CNTN5: variants seen among roughly 807,000 people sequenced by gnomAD.
CNTN5 encodes the protein contactin-5.
Under a neutral mutation model 129.1 loss-of-function variants are expected in CNTN5, and 77 were observed. The ratio of observed to expected loss-of-function variants is 0.60; its 90% confidence interval spans 0.50 to 0.72. CNTN5 has a LOEUF of 0.72. Among genes scored for constraint, CNTN5 ranks in the 30% least tolerant of loss-of-function variants. CNTN5 has a pLI of 0.00. For synonymous variants in CNTN5, 509 were observed against 465.6 expected, an observed-to-expected ratio of 1.09 and a Z score of -1.20; for missense variants, 1,478 against 1,328.8, an observed-to-expected ratio of 1.11 and a Z score of -1.75.
Position 99,842,910 on chromosome 11 carries a change from G to T in CNTN5, c.278-1942G>T, listed in dbSNP as rs140580510. Among the ~76,000 whole-genome samples, 25 of 152,074 alleles carry T rather than the reference G, an allele frequency of 1.6e-4. No homozygotes were observed. In the South Asian group the frequency reaches 4.4e-3, roughly 27 times the overall value. ...AGTGAGACATATTCTGGTTATTTTG[G>T]TGTAGTATTTTGCTCGTAGCTCAAA... is the stretch of plus-strand genomic sequence containing the variant. On this transcript the variant is annotated intron_variant, in intron 4 of 24. Coordinates refer to ENST00000524871, the MANE Select transcript of CNTN5 (RefSeq NM_014361.4).
At chr11:99,564,834 T>G (rs899392073) in intron 3 of CNTN5, among the ~76,000 whole-genome samples, 1 of 152,192 alleles carries the variant, frequency 6.6e-6, no homozygotes, top group African/African-American at 2.4e-5. Context: ...GCAGCTTTCC[T>G]GATGGTTTTC....
intron 3 of CNTN5, among the ~76,000 whole-genome samples, chr11:99,792,917 G>C (rs943312981): frequency 6.6e-6 from 1 of 152,100 alleles, no homozygotes; most frequent in African/African-American, 2.4e-5. Flanking sequence ...GTGCATGCAG[G>C]TGTTCATAGT....
chr11:100,310,203 C>T (rs967707620), intron 21 of CNTN5, among the ~76,000 whole-genome samples: 2 of 151,900 alleles, frequency 1.3e-5, no homozygotes, highest in Non-Finnish European at 2.9e-5. Context: ...TGAATCGGAA[C>T]ATCTGGGGCA....
chr11:99,681,613 A>G (rs1953558228), intron 3 of CNTN5, among the ~76,000 whole-genome samples: 1 of 152,102 alleles, frequency 6.6e-6, no homozygotes, highest in Admixed American at 6.5e-5. Context: ...AAGTGTAAAC[A>G]TGAATTTTAT....
intron 6 of CNTN5, among the ~76,000 whole-genome samples, chr11:99,909,075 T>C (rs951725915): frequency 1.3e-5 from 2 of 152,118 alleles, no homozygotes; most frequent in African/African-American, 4.8e-5. Context: ...ATTCAATTCT[T>C]ATCTTCATAT....
chr11:100,297,181 A>T (rs1951114981), intron 18 of CNTN5, among the ~76,000 whole-genome samples: 1 of 151,492 alleles, frequency 6.6e-6, no homozygotes. Context: ...AACAACAACA[A>T]AAGAAATGTA....
chr11:99,246,139 G>T (rs1313654328), intron 1 of CNTN5, among the ~76,000 whole-genome samples: 2 of 152,146 alleles, frequency 1.3e-5, no homozygotes, highest in Admixed American at 6.6e-5. Flanking sequence ...TATGAAAAAT[G>T]AGATCTGAAA....
Position 99,036,710 on chromosome 11 carries a change from G to A in CNTN5, c.-210+15440G>A, listed in dbSNP as rs527756492. Among the ~76,000 whole-genome samples, 197 of 152,162 alleles carry A rather than the reference G, an allele frequency of 1.3e-3. 1 individual carries two copies. The highest frequency in any genetic ancestry group is 4.3e-3 in the East Asian group (22 of 5,176). ...ATTAGTGTATTACAGTGTCTGTCTC[G>A]TCCCACTGTAGCCAACACACTGTGC... On this transcript the variant is annotated intron_variant, in intron 1 of 24. Transcript: ENST00000524871.
intron 1 of CNTN5, among the ~76,000 whole-genome samples, chr11:99,304,970 C>T (rs938128781): frequency 6.6e-6 from 1 of 152,126 alleles, no homozygotes; most frequent in Admixed American, 6.5e-5. Flanking sequence ...TATCTGTTAG[C>T]CCACAGATCT....
At chr11:100,214,061 A>C (rs1284892451) in intron 15 of CNTN5, among the ~76,000 whole-genome samples, 1 of 152,210 alleles carries the variant, frequency 6.6e-6, no homozygotes, top group Non-Finnish European at 1.5e-5. Context: ...AAAAGATGAC[A>C]AATATGTATC....
chr11:99,511,123 A>T (rs1250625726), intron 2 of CNTN5, among the ~76,000 whole-genome samples: 1 of 152,166 alleles, frequency 6.6e-6, no homozygotes, highest in African/African-American at 2.4e-5. Flanking sequence ...ACATAAAGAA[A>T]AATATTTTTG....
At chr11:99,198,171 G>C (rs534007945) in intron 1 of CNTN5, among the ~76,000 whole-genome samples, 3 of 151,920 alleles carry the variant, frequency 2.0e-5, no homozygotes, top group African/African-American at 7.2e-5. Context: ...TTTCTTTTCT[G>C]TCTTCCCCTA....
At chr11:99,485,200 A>G (rs1396247500) in intron 2 of CNTN5, among the ~76,000 whole-genome samples, 1 of 150,860 alleles carries the variant, frequency 6.6e-6, no homozygotes, top group East Asian at 1.9e-4. Context: ...AGTCAATGAA[A>G]CATTTTTGAA....
intron 21 of CNTN5, among the ~76,000 whole-genome samples, chr11:100,330,010 G>T (rs1421980263): frequency 2.0e-5 from 3 of 151,996 alleles, no homozygotes; most frequent in Admixed American, 2.0e-4. Flanking sequence ...GAATTCAGAA[G>T]GTCAATTACT....
At chr11:100,027,878 G>A (rs1381646851) in intron 9 of CNTN5, among the ~76,000 whole-genome samples, 1 of 152,048 alleles carries the variant, frequency 6.6e-6, no homozygotes, top group Admixed American at 6.6e-5. Context: ...CTAATATTTT[G>A]CGACTATTCT....
intron 1 of CNTN5, among the ~76,000 whole-genome samples, chr11:99,036,627 A>T (rs1225153779): frequency 6.6e-6 from 1 of 152,138 alleles, no homozygotes. Flanking sequence ...AGGTACACTT[A>T]AAATTTTGCT....
At chr11:99,641,965 A>G (rs1431558879) in intron 3 of CNTN5, among the ~76,000 whole-genome samples, 1 of 152,138 alleles carries the variant, frequency 6.6e-6, no homozygotes, top group Non-Finnish European at 1.5e-5. Context: ...GCTCCCCTAA[A>G]AGCAGGGAAG....
At chr11:99,219,792 A>C (rs1352400255) in intron 1 of CNTN5, among the ~76,000 whole-genome samples, 3 of 151,982 alleles carry the variant, frequency 2.0e-5, no homozygotes, top group Admixed American at 6.6e-5. Flanking sequence ...GAAAGGATAG[A>C]AGCAAGGAGA....
At chr11:100,200,621 C>T (rs1485074038) in intron 15 of CNTN5, among the ~76,000 whole-genome samples, 2 of 151,784 alleles carry the variant, frequency 1.3e-5, no homozygotes, top group Admixed American at 6.6e-5. Flanking sequence ...TAGAGAAAGG[C>T]AATTTTTGTC....
Sources: gnomAD v4.1 joint callset for allele counts (sites outside exome capture counted in the v4.1 genomes callset) on GRCh38, gnomAD v4.1.1 for gene constraint, MANE v1.5 for transcripts, NCBI Gene and HGNC (gene_info 2026-07-23, HGNC 2026-07-21) for gene names.